NELL1: variants seen among roughly 807,000 people sequenced by gnomAD.
NELL1 encodes the protein protein kinase C-binding protein NELL1.
NELL1 carries 76 observed loss-of-function variants against 107.4 expected under a neutral mutation model. That is an observed-to-expected ratio of 0.71 (90% CI 0.59 to 0.86). The LOEUF is 0.86. Ranked by LOEUF, NELL1 falls within the 40% of genes least tolerant of loss-of-function variation. The pLI is 0.00. For missense variants in NELL1, 1,024 were observed against 1,005.5 expected (o/e 1.02, Z -0.25); for synonymous variants, 353 against 341.2 (o/e 1.03, Z -0.38).
chr11:20,966,909 T>C (rs1017663870), intron 12 of NELL1, among the ~76,000 whole-genome samples: 5 of 149,586 alleles, frequency 3.3e-5, no homozygotes, highest in Non-Finnish European at 7.4e-5. Flanking sequence ...AAAGTTCAAA[T>C]TCAAATCCTG....
intron 12 of NELL1, among the ~76,000 whole-genome samples, chr11:21,107,280 C>A (rs1187160689): frequency 1.3e-5 from 2 of 152,044 alleles, no homozygotes; most frequent in South Asian, 2.1e-4. Context: ...TGCCCTAAAA[C>A]CTCACTGGAT....
At chr11:21,568,869 C>CT (rs60723180) in intron 17 of NELL1, among the ~76,000 whole-genome samples, 194 of 147,900 alleles carry the variant, frequency 1.3e-3, no homozygotes, top group African/African-American at 4.3e-3. Context: ...TTAGTTATCT[C>CT]TTTTTTTTTT....
intron 13 of NELL1, among the ~76,000 whole-genome samples, chr11:21,209,331 TTATATA>T (rs10588528): frequency 2.8e-5 from 4 of 145,180 alleles, no homozygotes; most frequent in South Asian, 4.3e-4. Context: ...TATGTATATA[TTATATA>T]TATATATATA....
At chr11:21,381,904 A>ATTTTTTTTTT (rs149327802) in intron 15 of NELL1, among the ~76,000 whole-genome samples, 9 of 91,356 alleles carry the variant, frequency 9.9e-5, no homozygotes, top group African/African-American at 3.1e-4. Flanking sequence ...CCTGGAAGGG[A>ATTTTTTTTTT]TTTTTTTTTT....
chr11:21,378,246 A>T (rs1438236772), intron 15 of NELL1, among the ~76,000 whole-genome samples: 2 of 125,236 alleles, frequency 1.6e-5, no homozygotes, highest in Non-Finnish European at 3.3e-5. Flanking sequence ...AAGTCTTTTT[A>T]AAAAATATGC....
At chr11:21,432,255 C>G (rs1244197484) in intron 15 of NELL1, among the ~76,000 whole-genome samples, 2 of 151,736 alleles carry the variant, frequency 1.3e-5, no homozygotes, top group African/African-American at 4.8e-5. Context: ...GTTTTAATGA[C>G]AGTGAAGACA....
At chr11:21,210,914 G>C (rs1301673620) in intron 13 of NELL1, among the ~76,000 whole-genome samples, 2 of 152,014 alleles carry the variant, frequency 1.3e-5, no homozygotes, top group Non-Finnish European at 2.9e-5. Flanking sequence ...TGATACCAAA[G>C]CTTTTTATCT....
chr11:21,565,879 G>A (rs181947332), intron 17 of NELL1, among the ~76,000 whole-genome samples: 571 of 151,966 alleles, frequency 3.8e-3, no homozygotes, highest in Non-Finnish European at 6.5e-3. Flanking sequence ...GTGACCTGAA[G>A]GCAAAATTAA....
chr11:20,779,636 A>G (rs1386991066), intron 2 of NELL1, among the ~76,000 whole-genome samples: 1 of 152,216 alleles, frequency 6.6e-6, no homozygotes, highest in African/African-American at 2.4e-5. Context: ...ACATATCACT[A>G]TTTTTAAGAG....
chr11:21,288,739 G>A (rs1849185215), intron 14 of NELL1, among the ~76,000 whole-genome samples: 1 of 152,196 alleles, frequency 6.6e-6, no homozygotes. Context: ...CGAATGACCA[G>A]CAATTATTTG....
intron 16 of NELL1, among the ~76,000 whole-genome samples, chr11:21,554,529 G>A (rs973182406): frequency 2.0e-5 from 3 of 151,766 alleles, no homozygotes; most frequent in African/African-American, 4.8e-5. Context: ...ACAGATTTGA[G>A]TATATTTGAG....
At chr11:21,432,362 CT>C (rs1186979716) in intron 15 of NELL1, among the ~76,000 whole-genome samples, 1 of 152,014 alleles carries the variant, frequency 6.6e-6, no homozygotes, top group Non-Finnish European at 1.5e-5. Flanking sequence ...ACTAGCTTTT[CT>C]TTGTGAAACC....
chr11:21,112,528 G>A (rs1344588912), intron 12 of NELL1, among the ~76,000 whole-genome samples: 1 of 152,028 alleles, frequency 6.6e-6, no homozygotes, highest in African/African-American at 2.4e-5. Context: ...GGTCTAGCGT[G>A]TTCTAACAGG....
chr11:21,405,823 T>C (rs7924739), intron 15 of NELL1, among the ~76,000 whole-genome samples: 151,500 of 152,076 alleles, frequency 1, 75,465 homozygotes, highest in East Asian at 1. Flanking sequence ...CCCCCAACCT[T>C]TCCTTTCTTT....
rs566542512 is a variant in NELL1, at chr11:21,312,771, A to G, written c.1550-58082A>G. Among the ~76,000 whole-genome samples the G allele has an allele frequency of 2.6e-5, 4 of 152,306 alleles. 1 individual carries two copies. In the South Asian group the frequency reaches 8.3e-4, roughly 32 times the overall value. On this transcript the variant is annotated intron_variant, in intron 14 of 19. Coordinates refer to ENST00000357134, the MANE Select transcript of NELL1 (RefSeq NM_006157.5). Reference sequence around the variant, plus strand: ...AATATGGATAAGTGAAATAGACAGGAATGGATAAAAAACATTTTATAGTTT... The same window carrying G: ...AATATGGATAAGTGAAATAGACAGGGATGGATAAAAAACATTTTATAGTTT...
At chr11:21,074,955 TA>T (rs908067686) in intron 12 of NELL1, among the ~76,000 whole-genome samples, 9 of 152,296 alleles carry the variant, frequency 5.9e-5, no homozygotes, top group Admixed American at 5.9e-4. Context: ...TAACAGATTT[TA>T]AAAATTAATT....
In NELL1 at chr11:21,200,109, T is replaced by C. The variant is rs541521629; in HGVS notation, c.1427-29223T>C. 3.3e-5 allele frequency among the ~76,000 whole-genome samples: 5 copies of C among 152,336 alleles called. No homozygotes were observed. The South Asian group carries it at 8.3e-4, about 25-fold the overall frequency. On this transcript the variant is annotated intron_variant, in intron 13 of 19. Transcript: ENST00000357134. ...TGAACAGTGCTGCAATGAACATACA[T>C]GTGCATGTATCTTTATAGTAGAATG... is the stretch of plus-strand genomic sequence containing the variant.
At chr11:20,864,783 C>T (rs1477476003) in intron 4 of NELL1, among the ~76,000 whole-genome samples, 1 of 152,250 alleles carries the variant, frequency 6.6e-6, no homozygotes, top group Non-Finnish European at 1.5e-5. Flanking sequence ...ACTTTTATCT[C>T]CTGATCCTGT....
intron 15 of NELL1, among the ~76,000 whole-genome samples, chr11:21,423,094 C>G (rs958986849): frequency 6.6e-6 from 1 of 152,094 alleles, no homozygotes; most frequent in South Asian, 2.1e-4. Flanking sequence ...TGCCCAAGCG[C>G]AGTGGCTCAC....
Sources: gnomAD v4.1 joint callset for allele counts (sites outside exome capture counted in the v4.1 genomes callset) on GRCh38, gnomAD v4.1.1 for gene constraint, MANE v1.5 for transcripts, NCBI Gene and HGNC (gene_info 2026-07-23, HGNC 2026-07-21) for gene names.